NAF1: variants seen among roughly 807,000 people sequenced by gnomAD.
The protein encoded by NAF1 is nuclear assembly factor 1 ribonucleoprotein.
A neutral mutation model predicts 40.6 loss-of-function variants in NAF1; 11 were observed. The ratio of observed to expected loss-of-function variants is 0.27; its 90% confidence interval spans 0.17 to 0.45. The LOEUF (loss-of-function observed/expected upper bound fraction) is 0.45. Ranked by LOEUF, NAF1 falls within the 20% of genes least tolerant of loss-of-function variation. The pLI is 1.00. For synonymous variants in NAF1, 260 were observed against 228.5 expected (o/e 1.14, Z -1.24); for missense variants, 607 against 611.1 (o/e 0.99, Z 0.07).
At chr4:163,130,057 T>G (rs1730810453) in intron 7 of NAF1, among the ~76,000 whole-genome samples, 1 of 152,144 alleles carries the variant, frequency 6.6e-6, no homozygotes, top group African/African-American at 2.4e-5. Context: ...TACCTAGACT[T>G]CAATCTACCC....
chr4:163,115,197 TA>T (rs1730290741), intron 2 of NAF1, among the ~76,000 whole-genome samples: 1 of 116,708 alleles, frequency 8.6e-6, no homozygotes, highest in Non-Finnish European at 1.7e-5. Context: ...TATAGGACAA[TA>T]ATTTTTTTAT....
downstream of NAF1, among the ~76,000 whole-genome samples, chr4:163,109,619 C>T (rs183969911): frequency 6.6e-6 from 1 of 152,240 alleles, no homozygotes; most frequent in Non-Finnish European, 1.5e-5. Flanking sequence ...ACAGAAAGAA[C>T]ACAAGTGGTA....
intron 7 of NAF1, among the ~76,000 whole-genome samples, chr4:163,131,378 G>A (rs1211410623): frequency 6.6e-6 from 1 of 152,082 alleles, no homozygotes; most frequent in Non-Finnish European, 1.5e-5. Context: ...GGGCAACAGA[G>A]CAAGAATATC....
intron 6 of NAF1, chr4:163,135,437 C>T (rs914627290): frequency 1.3e-5 from 2 of 152,148 alleles, no homozygotes; most frequent in Admixed American, 6.5e-5. Context: ...ACAAATAACT[C>T]GCATTGTTGT....
intron 3 of NAF1, among the ~76,000 whole-genome samples, chr4:163,146,782 A>G (rs1452243768): frequency 6.6e-6 from 1 of 152,210 alleles, no homozygotes; most frequent in African/African-American, 2.4e-5. Context: ...CCTTGTCTCT[A>G]TTAAAAATCT....
intron 2 of NAF1, among the ~76,000 whole-genome samples, chr4:163,149,372 A>T (rs1172986597): frequency 3.3e-5 from 5 of 152,210 alleles, no homozygotes; most frequent in Non-Finnish European, 7.4e-5. Context: ...CATAACATGA[A>T]GTATACTGCA....
chr4:163,128,717 G>A lies in NAF1; in HGVS notation c.*180C>T. 9.0e-7 allele frequency: 1 copy of A among 1,114,426 alleles called. No homozygotes were observed. The highest frequency in any genetic ancestry group is 1.1e-6 in the Non-Finnish European group (1 of 875,948). 69.0% of individuals were successfully genotyped at this position (1,114,426 alleles called of 1,614,324 possible). ...TAATGTTCTCCCAAGAATTTGAGCT[G>A]ACATTTTCATATGAATACAATTTCA... On this transcript the variant is annotated 3_prime_UTR_variant, in exon 8 of 8. Coordinates refer to ENST00000274054, the MANE Select transcript of NAF1 (RefSeq NM_138386.3).
At chr4:163,121,425 A>AT (rs1022887538) in intron 2 of NAF1, among the ~76,000 whole-genome samples, 10 of 152,254 alleles carry the variant, frequency 6.6e-5, no homozygotes, top group African/African-American at 2.2e-4. Flanking sequence ...AAATATGTGC[A>AT]TTTTTTTCTT....
chr4:163,105,258 G>T (rs1297983245), downstream of NAF1, among the ~76,000 whole-genome samples: 1 of 152,178 alleles, frequency 6.6e-6, no homozygotes, highest in Non-Finnish European at 1.5e-5. Context: ...TAATCACTGT[G>T]AACTGCAGTT....
downstream of NAF1, among the ~76,000 whole-genome samples, chr4:163,123,862 T>C (rs905421721): frequency 6.6e-6 from 1 of 152,214 alleles, no homozygotes; most frequent in Non-Finnish European, 1.5e-5. Context: ...AGTGAGAAAC[T>C]GTGTGAGTGG....
chr4:163,128,795 TAC>T lies in NAF1; in HGVS notation c.*100_*101del. On this transcript the variant is annotated 3_prime_UTR_variant, in exon 8 of 8. Coordinates refer to ENST00000274054, the MANE Select transcript of NAF1 (RefSeq NM_138386.3). ...CAACAGAAGGAATCATTTAGTATTT[TAC>T]AGTGTTTTTAAAAATCTAGCTCCAT... 5.2e-6 allele frequency: 7 copies of T among 1,344,674 alleles called. No homozygotes were observed. The East Asian group carries it at 1.2e-4, about 22-fold the overall frequency. 83.3% of individuals were successfully genotyped at this position (1,344,674 alleles called of 1,614,324 possible).
chr4:163,152,126 C>G (rs1194753036), intron 2 of NAF1, among the ~76,000 whole-genome samples: 1 of 152,092 alleles, frequency 6.6e-6, no homozygotes, highest in Non-Finnish European at 1.5e-5. Context: ...ATTGTGATGA[C>G]AGTGGACATT....
downstream of NAF1, among the ~76,000 whole-genome samples, chr4:163,127,718 T>C (rs1730707784): frequency 6.6e-6 from 1 of 152,204 alleles, no homozygotes; most frequent in Non-Finnish European, 1.5e-5. Flanking sequence ...ACTTGTGTAC[T>C]AGGAATGCTG....
intron 2 of NAF1, among the ~76,000 whole-genome samples, chr4:163,118,708 G>GC (rs1232940479): frequency 4.6e-5 from 7 of 151,988 alleles, no homozygotes; most frequent in African/African-American, 1.7e-4. Flanking sequence ...AGCCAATATC[G>GC]CACCATTGCA....
In NAF1 at chr4:163,129,059, T is replaced by A; in HGVS notation, c.1323A>T (p.Pro441=). ...MHNFPLRPPP[P]PPPPPVNMGW... ...CCATGTTTACAGGTGGGGGTGGTGG[T>A]GGGGGTGGAGGGCGGAGGGGAAAAT... The change falls in exon 8 of 8, where the codon CCA becomes CCT. Residue 441 remains proline, a synonymous_variant. Transcript: ENST00000274054. 1 of 440,204 alleles carries A rather than the reference T, an allele frequency of 2.3e-6. No individual in the cohort carries two copies. Among genetic ancestry groups the A allele is most frequent in the African/African-American group, 8.4e-5 (1 of 11,850 alleles). 27.3% of individuals were successfully genotyped at this position (440,204 alleles called of 1,614,324 possible).
At chr4:163,153,798 C>T (rs1016240076) in intron 2 of NAF1, among the ~76,000 whole-genome samples, 5 of 152,150 alleles carry the variant, frequency 3.3e-5, no homozygotes, top group African/African-American at 1.2e-4. Flanking sequence ...CCCCAGCCAG[C>T]ATTGGCAACC....
At chr4:163,113,189 G>A (rs1005218340) in intron 2 of NAF1, among the ~76,000 whole-genome samples, 20 of 152,102 alleles carry the variant, frequency 1.3e-4, no homozygotes, top group Non-Finnish European at 2.8e-4. Context: ...TACATATATA[G>A]ATAGTTCCAG....
intron 2 of NAF1, among the ~76,000 whole-genome samples, chr4:163,163,484 T>C (rs1340781176): frequency 1.3e-5 from 2 of 152,090 alleles, no homozygotes; most frequent in Non-Finnish European, 2.9e-5. Context: ...TAAAACTACA[T>C]GCAGGGGTAG....
intron 3 of NAF1, among the ~76,000 whole-genome samples, chr4:163,147,755 G>A (rs1213324045): frequency 6.6e-6 from 1 of 152,108 alleles, no homozygotes; most frequent in East Asian, 1.9e-4. Flanking sequence ...GATTATGCAG[G>A]TAAACTCAAT....
Sources: allele counts gnomAD v4.1 joint callset (sites outside exome capture counted in the v4.1 genomes callset), GRCh38; gene constraint gnomAD v4.1.1; transcripts MANE v1.5; gene names NCBI Gene and HGNC (gene_info 2026-07-23, HGNC 2026-07-21).